Variants in CAST observed in about 807,000 individuals in gnomAD.
The protein encoded by CAST is calpastatin, also known as MIR583 host.
A neutral mutation model predicts 119.6 loss-of-function variants in CAST; 76 were observed. The ratio of observed to expected loss-of-function variants is 0.64; its 90% CI spans 0.53 to 0.77. The LOEUF (loss-of-function observed/expected upper bound fraction) is 0.77, where lower values mean the gene tolerates loss of function less well. Among genes scored for constraint, CAST ranks in the 30% least tolerant of loss-of-function variants. The probability of loss-of-function intolerance (pLI) is 0.00; values close to 1 mark genes in which losing one functional copy is unlikely to be tolerated. For synonymous variants in CAST, 319 were observed against 331.6 expected (o/e 0.96, Z 0.41); for missense variants, 953 against 946.5 (o/e 1.01, Z -0.09).
At chr5:96,551,218 C>G (rs1746119459) in intron 1 of CAST, among the ~76,000 whole-genome samples, 1 of 152,230 alleles carries the variant, frequency 6.6e-6, no homozygotes, top group African/African-American at 2.4e-5. Context: ...CAGCAGATCT[C>G]TCTGCAGAAA....
chr5:96,755,626 A>G lies in CAST; in HGVS notation c.1710+885A>G, dbSNP rs116424283. ...GTAGCAGGCCAGGATTTGAAAGAGT[A>G]TTCAACTAAACTTCATTAACAATTC... On this transcript the variant is annotated intron_variant, in intron 22 of 31. Transcript: ENST00000675179. Among the ~76,000 whole-genome samples, 348 of 152,362 alleles carry G rather than the reference A, an allele frequency of 2.3e-3. 5 individuals carry two copies. Among genetic ancestry groups the G allele is most frequent in the African/African-American group, 7.9e-3 (327 of 41,586 alleles).
intron 1 of CAST, among the ~76,000 whole-genome samples, chr5:96,636,542 C>CAAA (rs11461380): frequency 5.3e-5 from 8 of 150,804 alleles, no homozygotes; most frequent in Non-Finnish European, 1.2e-4. Context: ...TTTTATTTGG[C>CAAA]AAAAAAAAAT....
the CAST span, among the ~76,000 whole-genome samples, chr5:96,229,894 C>T: frequency 2.9e-3 from 438 of 152,250 alleles, 3 homozygotes; most frequent in Non-Finnish European, 5.2e-3. Flanking sequence ...ATCCTCCCCC[C>T]GTGTTCCTTC....
the CAST span, among the ~76,000 whole-genome samples, chr5:96,039,473 C>A: frequency 6.6e-6 from 1 of 151,970 alleles, no homozygotes; most frequent in Non-Finnish European, 1.5e-5. Context: ...AATGTTATTG[C>A]CCAGGTTTTC....
chr5:96,193,331 CCTG>C, the CAST span, among the ~76,000 whole-genome samples: 2 of 147,058 alleles, frequency 1.4e-5, no homozygotes, highest in African/African-American at 5.4e-5. Flanking sequence ...TGTATTATGT[CCTG>C]CTGGGAACTG....
At position 96,611,418 on chromosome 5, in the gene CAST, A is replaced by G. The variant is rs181576238; in HGVS notation, c.61-64121A>G. 6.7e-3 allele frequency among the ~76,000 whole-genome samples: 1,014 copies of G among 152,242 alleles called. 9 individuals are homozygous for G. The highest frequency in any genetic ancestry group is 0.023 in the African/African-American group (972 of 41,552). On this transcript the variant is annotated intron_variant, in intron 1 of 11. Transcript: ENST00000505143. The stretch of plus-strand genomic sequence containing the variant: ...ACTGGTTAGCCATGTGCAGAAGAAT[A>G]AAACTGGACCCCTACCTCTCACCAT...
chr5:96,023,793 G>C, the CAST span, among the ~76,000 whole-genome samples: 1 of 150,730 alleles, frequency 6.6e-6, no homozygotes, highest in African/African-American at 2.4e-5. Flanking sequence ...AAGAGGAGTA[G>C]GAATTAAAAA....
At chr5:96,584,309 G>C (rs1488431078) in intron 1 of CAST, among the ~76,000 whole-genome samples, 5 of 152,194 alleles carry the variant, frequency 3.3e-5, no homozygotes, top group Non-Finnish European at 4.4e-5. Context: ...AGGCAGTAAT[G>C]CTGCCTCACC....
chr5:96,611,878 CA>C (rs145822550), intron 1 of CAST, among the ~76,000 whole-genome samples: 3,362 of 152,192 alleles, frequency 0.022, 126 homozygotes, highest in African/African-American at 0.069. Flanking sequence ...AAATGCAAGT[CA>C]AAAACCGCAT....
the CAST span, among the ~76,000 whole-genome samples, chr5:96,488,172 G>A: frequency 6.6e-6 from 1 of 152,204 alleles, no homozygotes; most frequent in Admixed American, 6.5e-5. Flanking sequence ...CTAATTCAGT[G>A]TGTATGGACA....
At chr5:96,353,397 C>T in the CAST span, among the ~76,000 whole-genome samples, 5 of 152,170 alleles carry the variant, frequency 3.3e-5, no homozygotes, top group Admixed American at 1.3e-4. Flanking sequence ...TTTCCTCCTT[C>T]CTTATCCTGC....
At chr5:96,529,799 A>G (rs963136983), upstream of CAST, 46 of 437,242 alleles carry the variant, frequency 1.1e-4, no homozygotes, top group Non-Finnish European at 2.1e-4. Flanking sequence ...CTGGGCATTC[A>G]TTCTGTCTTT....
At chr5:96,439,633 A>G in the CAST span, among the ~76,000 whole-genome samples, 1 of 152,160 alleles carries the variant, frequency 6.6e-6, no homozygotes, top group Non-Finnish European at 1.5e-5. Flanking sequence ...TTCCCCAGAG[A>G]CATCAGGCAC....
In CAST at chr5:96,746,501, A is replaced by T. The variant is rs184402897; in HGVS notation, c.1284+76A>T. On this transcript the variant is annotated intron_variant, in intron 17 of 31. Coordinates refer to ENST00000675179, the MANE Select transcript of CAST (RefSeq NM_001750.7). The stretch of plus-strand genomic sequence containing the variant: ...GTTTTGTTGTATCTGTACCCTTGAC[A>T]TTGTCAAAGGACATGTCTGTCCCCC... 582 of 873,886 alleles carry T rather than the reference A, an allele frequency of 6.7e-4. 2 individuals are homozygous for T. Among genetic ancestry groups the T allele is most frequent in the Non-Finnish European group, 1.0e-3 (523 of 505,486 alleles). 54.1% of individuals were successfully genotyped at this position (873,886 alleles called of 1,614,324 possible).
chr5:96,636,352 A>C (rs1580854579), intron 1 of CAST, among the ~76,000 whole-genome samples: 2 of 152,198 alleles, frequency 1.3e-5, no homozygotes, highest in South Asian at 4.1e-4. Context: ...GGTATTCACA[A>C]TGGCCTGTCC....
chr5:96,750,795 A>G (rs995025230), intron 20 of CAST, 113 bp downstream of exon 20: 2 of 569,018 alleles, frequency 3.5e-6, no homozygotes, highest in Admixed American at 6.2e-5. Flanking sequence ...AATTAAAAAT[A>G]AAATCTGATA....
At chr5:96,238,121 A>G in the CAST span, among the ~76,000 whole-genome samples, 3 of 152,104 alleles carry the variant, frequency 2.0e-5, no homozygotes, top group Non-Finnish European at 4.4e-5. Flanking sequence ...AACACTCATA[A>G]TTTAACTACT....
At chr5:96,406,555 C>T in the CAST span, among the ~76,000 whole-genome samples, 1 of 152,152 alleles carries the variant, frequency 6.6e-6, no homozygotes, top group Non-Finnish European at 1.5e-5. Flanking sequence ...GTAGCCATCT[C>T]ACAGCCGAGA....
chr5:96,641,448 A>G (rs1035867128), intron 1 of CAST, among the ~76,000 whole-genome samples: 1 of 81,304 alleles, frequency 1.2e-5, no homozygotes, highest in African/African-American at 4.4e-5. Context: ...TGGGGTAATG[A>G]AAAAAACTCC....
Sources: allele counts gnomAD v4.1 joint callset (sites outside exome capture counted in the v4.1 genomes callset), GRCh38; gene constraint gnomAD v4.1.1; transcripts MANE v1.5; gene names NCBI Gene and HGNC (gene_info 2026-07-23, HGNC 2026-07-21).